CACNA1A: variants seen among roughly 807,000 people sequenced by gnomAD.
CACNA1A encodes voltage-dependent P/Q-type calcium channel subunit alpha-1A.
Under a neutral mutation model 262.4 loss-of-function variants are expected in CACNA1A, and 57 were observed. The ratio of observed to expected loss-of-function variants is 0.22; its 90% CI spans 0.18 to 0.27. CACNA1A has a LOEUF of 0.27. Ranked by LOEUF, CACNA1A falls within the 10% of genes least tolerant of loss-of-function variation. The pLI, the probability that CACNA1A is intolerant of heterozygous loss-of-function variation, is 1.00. For missense variants in CACNA1A, 2,526 were observed against 3,562.8 expected, an observed-to-expected ratio of 0.71 and a Z score of 7.41; for synonymous variants, 1,431 against 1,419.3, an observed-to-expected ratio of 1.01 and a Z score of -0.18.
At chr19:13,237,281 C>T (rs2055908993) in intron 31 of CACNA1A, among the ~76,000 whole-genome samples, 1 of 152,146 alleles carries the variant, frequency 6.6e-6, no homozygotes, top group Non-Finnish European at 1.5e-5. Context: ...AGTAGAGGGT[C>T]TCTCCACACT....
chr19:13,209,308 C>T lies in CACNA1A; in HGVS notation c.6526+4G>A, dbSNP rs1472600442. ...TTGTCCCTGAGCACCACAGGGCTGC[C>T]CACCTGTGTCCACATCGGTGTAGCG... On this transcript the variant is annotated splice_donor_region_variant and intron_variant, in intron 45 of 46. Coordinates refer to ENST00000360228, the MANE Select transcript of CACNA1A (RefSeq NM_001127222.2). 2.1e-6 allele frequency: 3 copies of T among 1,414,806 alleles called. No individual in the cohort carries two copies. The highest frequency in any genetic ancestry group is 3.2e-5 in the South Asian group (2 of 62,026). 87.6% of individuals were successfully genotyped at this position (1,414,806 alleles called of 1,614,324 possible). A position where few individuals can be genotyped will look rare whatever the true frequency, so the allele number is the denominator to read the frequency against.
In CACNA1A at chr19:13,208,996, G is replaced by A. The variant is rs2144502990; in HGVS notation, c.6540C>T (p.Asp2180=). Residue 2180 remains aspartate (D), a synonymous_variant, in exon 46 of 47, where the codon GAC becomes GAT. Transcript: ENST00000360228. ...YTDVDTGLGT[D]LSMTTQSGDL... is the part of the protein sequence containing the mutation. Reference sequence around the variant, plus strand: ...CCCCGGATTGGGTGGTCATGCTCAGGTCTGTCCCCAAGCCTGGGCCGGGTG... The same window carrying A: ...CCCCGGATTGGGTGGTCATGCTCAGATCTGTCCCCAAGCCTGGGCCGGGTG... 3 of 1,537,248 alleles carry A rather than the reference G, an allele frequency of 2.0e-6. No homozygotes were observed. The highest frequency in any genetic ancestry group is 4.9e-5 in the East Asian group (2 of 40,910).
At chr19:13,406,517 G>T (rs2060014047) in intron 3 of CACNA1A, among the ~76,000 whole-genome samples, 4 of 87,372 alleles carry the variant, frequency 4.6e-5, no homozygotes, top group South Asian at 4.7e-4. Flanking sequence ...ATATATGAAG[G>T]GAATCTGATC....
intron 34 of CACNA1A, among the ~76,000 whole-genome samples, chr19:13,234,350 CAAAAAAAAAA>C (rs71168693): frequency 4.2e-5 from 3 of 71,240 alleles, no homozygotes; most frequent in African/African-American, 5.8e-5. Context: ...ACTCCATCTC[CAAAAAAAAAA>C]AAAAAAAAAA....
At chr19:13,235,972 C>A in intron 31 of CACNA1A, 1 of 424,100 alleles carries the variant, frequency 2.4e-6, no homozygotes, top group Non-Finnish European at 4.2e-6. Context: ...AAGCATAAGC[C>A]CTCCCTGCCA....
At chr19:13,490,701 GAAA>G (rs1980688770) in intron 1 of CACNA1A, among the ~76,000 whole-genome samples, 3 of 14,984 alleles carry the variant, frequency 2.0e-4, no homozygotes, top group South Asian at 2.5e-3. Flanking sequence ...AGGAAAGAAA[GAAA>G]GAAAGAAAGA....
chr19:13,402,871 CACATATATATATAT>C (rs1310004506), intron 3 of CACNA1A, among the ~76,000 whole-genome samples: 895 of 64,088 alleles, frequency 0.014, 10 homozygotes, highest in South Asian at 0.091. Flanking sequence ...CACACACACA[CACATATATATATAT>C]ATATATATAT....
intron 19 of CACNA1A, among the ~76,000 whole-genome samples, chr19:13,294,213 A>G (rs1211362653): frequency 6.7e-6 from 1 of 149,734 alleles, no homozygotes. Flanking sequence ...CAAAAAAAAA[A>G]AAAAAACAAA....
Position 13,209,465 on chromosome 19 carries a change from C to A in CACNA1A, c.6373G>T (p.Ala2125Ser). 1 of 1,358,490 alleles carries A rather than the reference C, an allele frequency of 7.4e-7. No individual in the cohort carries two copies. Among genetic ancestry groups the A allele is most frequent in the South Asian group, 2.1e-5 (1 of 47,064 alleles). The allele number at this position is 1,358,490 out of a possible 1,614,324, so 84.2% of individuals were successfully genotyped here. Residue 2125 changes from alanine (A) to serine (S), a missense_variant, in exon 45 of 47, where the codon GCC becomes TCC. Transcript: ENST00000360228. ...ISDTSPMKRS[A>S]SVLGPKARRL... ...CGGGCCTTGGGGCCCAGCACGGAGG[C>A]TGAACGCTTCATGGGGCTGGTGTCT...
chr19:13,251,180 T>G (rs1020583821), intron 30 of CACNA1A, among the ~76,000 whole-genome samples: 10 of 149,390 alleles, frequency 6.7e-5, no homozygotes, highest in African/African-American at 2.5e-4. Flanking sequence ...ATGAATATAC[T>G]TCTCCATTAA....
chr19:13,281,643 G>A (rs1345161951), intron 22 of CACNA1A, among the ~76,000 whole-genome samples: 2 of 151,946 alleles, frequency 1.3e-5, no homozygotes, highest in East Asian at 3.9e-4. Context: ...TCCAGACAGT[G>A]TCCCCAGCAG....
chr19:13,262,897 G>T, intron 24 of CACNA1A, 64 bp from the exon 25 acceptor site: 1 of 1,110,362 alleles, frequency 9.0e-7, no homozygotes, highest in Non-Finnish European at 1.4e-6. Context: ...TTGGGTAGGG[G>T]GCAGCCCACA....
At chr19:13,414,130 G>A (rs1342913826) in intron 3 of CACNA1A, among the ~76,000 whole-genome samples, 1 of 151,834 alleles carries the variant, frequency 6.6e-6, no homozygotes, top group Admixed American at 6.6e-5. Context: ...AGGCTGAAGT[G>A]GGAGGATCCT....
intron 12 of CACNA1A, among the ~76,000 whole-genome samples, chr19:13,311,085 G>T (rs976561959): frequency 6.6e-6 from 1 of 152,096 alleles, no homozygotes; most frequent in Admixed American, 6.5e-5. Context: ...GAGCCACTGT[G>T]CCTGGCCTAC....
intron 1 of CACNA1A, among the ~76,000 whole-genome samples, chr19:13,468,178 A>G (rs1293042862): frequency 6.6e-6 from 1 of 152,208 alleles, no homozygotes; most frequent in Non-Finnish European, 1.5e-5. Flanking sequence ...AAAAAGTATT[A>G]ATCAATTTCA....
chr19:13,209,229 CTTAG>C (rs796345502), intron 45 of CACNA1A, 79 bp downstream of exon 45: 2 of 1,406,846 alleles, frequency 1.4e-6, no homozygotes, highest in African/African-American at 2.9e-5. Context: ...TTTCTTCTTC[CTTAG>C]TGTCTCCTCC....
At chr19:13,424,333 C>T (rs1286576302) in intron 3 of CACNA1A, among the ~76,000 whole-genome samples, 1 of 152,182 alleles carries the variant, frequency 6.6e-6, no homozygotes, top group African/African-American at 2.4e-5. Context: ...CATGCCATTG[C>T]ACTCCAGCCT....
chr19:13,426,034 G>A (rs1040411272), intron 3 of CACNA1A, among the ~76,000 whole-genome samples: 15 of 152,014 alleles, frequency 9.9e-5, no homozygotes, highest in Non-Finnish European at 1.5e-5. Flanking sequence ...CTCCAGCCTG[G>A]GCAACCAAGC....
chr19:13,332,150 C>A (rs1349457751), intron 9 of CACNA1A, among the ~76,000 whole-genome samples: 1 of 152,152 alleles, frequency 6.6e-6, no homozygotes, highest in Non-Finnish European at 1.5e-5. Context: ...TCTACACTCC[C>A]AGCATTTTGG....
Sources: gnomAD v4.1 joint callset for allele counts (sites outside exome capture counted in the v4.1 genomes callset) on GRCh38, gnomAD v4.1.1 for gene constraint, MANE v1.5 for transcripts, NCBI Gene and HGNC (gene_info 2026-07-23, HGNC 2026-07-21) for gene names.